Variants in TCF7L2 observed in about 807,000 individuals in gnomAD.
TCF7L2 encodes transcription factor 7 like 2.
In TCF7L2, 23 loss-of-function variants were observed where a neutral mutation model predicts 77.9. The observed-to-expected ratio is 0.30, with a 90% CI of 0.21 to 0.42. The LOEUF is 0.42. Ranked by LOEUF, TCF7L2 falls within the 10% of genes least tolerant of loss-of-function variation. The probability of loss-of-function intolerance (pLI) is 1.00; values close to 1 mark genes in which losing one functional copy is unlikely to be tolerated. For missense variants in TCF7L2, 654 were observed against 793.1 expected (o/e 0.82, Z 2.11); for synonymous variants, 413 against 340.2 (o/e 1.21, Z -2.36).
At chr10:112,974,291 G>A (rs1033589877) in intron 4 of TCF7L2, among the ~76,000 whole-genome samples, 2 of 152,156 alleles carry the variant, frequency 1.3e-5, no homozygotes, top group African/African-American at 4.8e-5. Context: ...AAGAGGGCTG[G>A]TGAGGATACC....
At chr10:113,110,137 C>T (rs1170142934) in intron 5 of TCF7L2, among the ~76,000 whole-genome samples, 2 of 152,160 alleles carry the variant, frequency 1.3e-5, no homozygotes, top group Non-Finnish European at 2.9e-5. Flanking sequence ...TTGGGAAGCT[C>T]TTCTGTTAGA....
chr10:113,160,502 T>C, intron 12 of TCF7L2: 1 of 803,012 alleles, frequency 1.2e-6, no homozygotes, highest in Non-Finnish European at 1.8e-6. Context: ...TGAGGGAAGA[T>C]TATCAAATAG....
At position 113,156,641 on chromosome 10, in the gene TCF7L2, C is replaced by G. The variant is rs577919401; in HGVS notation, c.1270-1380C>G. Reference sequence around the variant, plus strand: ...GCAGTCGCCTCTCCTGAATTCCCCCCAGTCCCATTCCACATTTGCAACCTC... The same window carrying G: ...GCAGTCGCCTCTCCTGAATTCCCCCGAGTCCCATTCCACATTTGCAACCTC... On this transcript the variant is annotated intron_variant, in intron 11 of 13. Coordinates refer to ENST00000627217, the MANE Select transcript of TCF7L2 (RefSeq NM_001146274.2). Among the ~76,000 whole-genome samples the G allele has an allele frequency of 7.2e-5, 11 of 152,346 alleles. No individual in the cohort carries two copies. The East Asian group carries it at 1.7e-3, about 24-fold the overall frequency.
intron 5 of TCF7L2, among the ~76,000 whole-genome samples, chr10:113,102,876 T>A (rs535189546): frequency 6.6e-6 from 1 of 152,348 alleles, no homozygotes; most frequent in South Asian, 2.1e-4. Context: ...TCATAAGTAT[T>A]ATTGTTTCAC....
At chr10:113,117,679 G>T (rs1180969573) in intron 5 of TCF7L2, among the ~76,000 whole-genome samples, 2 of 152,148 alleles carry the variant, frequency 1.3e-5, no homozygotes, top group Non-Finnish European at 2.9e-5. Flanking sequence ...GGGAAACGGC[G>T]GTCTGACAGC....
At position 112,964,546 on chromosome 10, in the gene TCF7L2, CT is replaced by C. The variant is rs2036052662; in HGVS notation, c.382-7del. On this transcript the variant is annotated splice_polypyrimidine_tract_variant and intron_variant, in intron 3 of 13. Coordinates refer to ENST00000627217, the MANE Select transcript of TCF7L2 (RefSeq NM_001146274.2). The stretch of plus-strand genomic sequence containing the variant: ...TAAGCAGAACGCTTTGATTTGGTTT[CT>C]TTCTACAGCTCCATTTTCAGTCCGG... 6.2e-7 allele frequency: 1 copy of C among 1,612,806 alleles called. No individual in the cohort carries two copies. The highest frequency in any genetic ancestry group is 8.5e-7 in the Non-Finnish European group (1 of 1,179,160).
chr10:113,089,232 G>A (rs2060127401), intron 5 of TCF7L2, among the ~76,000 whole-genome samples: 1 of 152,184 alleles, frequency 6.6e-6, no homozygotes, highest in Non-Finnish European at 1.5e-5. Context: ...GGATGGCAGG[G>A]AAATAGGAGA....
At chr10:113,001,151 G>A (rs1030137066) in intron 4 of TCF7L2, among the ~76,000 whole-genome samples, 3 of 152,216 alleles carry the variant, frequency 2.0e-5, no homozygotes, top group African/African-American at 7.2e-5. Flanking sequence ...GGGCAGGAGA[G>A]TGACAGGCGG....
At chr10:113,032,263 C>T (rs2050367067) in intron 4 of TCF7L2, among the ~76,000 whole-genome samples, 1 of 152,174 alleles carries the variant, frequency 6.6e-6, no homozygotes. Context: ...ACCATAGCCT[C>T]CCTGCAGAAC....
chr10:112,980,201 C>G (rs996807353), intron 4 of TCF7L2, among the ~76,000 whole-genome samples: 3 of 152,184 alleles, frequency 2.0e-5, no homozygotes, highest in Admixed American at 6.5e-5. Context: ...AGAACAGACC[C>G]TTAAGGAAAA....
At chr10:112,998,817 T>A (rs1342659852) in intron 4 of TCF7L2, among the ~76,000 whole-genome samples, 1 of 152,232 alleles carries the variant, frequency 6.6e-6, no homozygotes, top group Non-Finnish European at 1.5e-5. Context: ...CAATACATAG[T>A]GAAAGTTCTA....
intron 5 of TCF7L2, among the ~76,000 whole-genome samples, chr10:113,042,249 C>T (rs150630906): frequency 6.6e-6 from 1 of 152,204 alleles, no homozygotes; most frequent in Non-Finnish European, 1.5e-5. Context: ...GCACCTTTTT[C>T]CTCTGCTGTG....
intron 12 of TCF7L2, 108 bp downstream of exon 12, chr10:113,158,177 G>A: frequency 1.7e-6 from 2 of 1,193,282 alleles, no homozygotes; most frequent in East Asian, 2.6e-5. Flanking sequence ...CCAGGACATT[G>A]TGGGGGAACC....
At chr10:112,992,187 T>C (rs2042673356) in intron 4 of TCF7L2, among the ~76,000 whole-genome samples, 1 of 151,788 alleles carries the variant, frequency 6.6e-6, no homozygotes, top group Admixed American at 6.6e-5. Context: ...GAGGCGTGAG[T>C]GGTCTAGGGC....
At chr10:113,083,259 GACACACACACACAC>G (rs10649541) in intron 5 of TCF7L2, among the ~76,000 whole-genome samples, 16 of 143,466 alleles carry the variant, frequency 1.1e-4, no homozygotes, top group East Asian at 6.4e-4. Flanking sequence ...TATACTGATA[GACACACACACACAC>G]ACACACACAC....
At chr10:113,031,466 G>A (rs1564805560) in intron 4 of TCF7L2, among the ~76,000 whole-genome samples, 1 of 150,468 alleles carries the variant, frequency 6.6e-6, no homozygotes, top group African/African-American at 2.5e-5. Context: ...AGCAAGGTTT[G>A]GATACTGTGC....
At chr10:113,067,445 A>G (rs1467953621) in intron 5 of TCF7L2, among the ~76,000 whole-genome samples, 1 of 152,170 alleles carries the variant, frequency 6.6e-6, no homozygotes, top group Non-Finnish European at 1.5e-5. Context: ...AAGTGATTTT[A>G]TTATCCAGAA....
chr10:112,981,308 C>CA (rs11362147), intron 4 of TCF7L2, among the ~76,000 whole-genome samples: 4,697 of 142,430 alleles, frequency 0.033, 231 homozygotes, highest in African/African-American at 0.11. Flanking sequence ...GACCCGTCCT[C>CA]AAAAAAAAAA....
chr10:112,951,206 G>A lies in TCF7L2; in HGVS notation c.190-1G>A. 1 of 1,585,034 alleles carries A rather than the reference G, an allele frequency of 6.3e-7. No homozygotes were observed. The highest frequency in any genetic ancestry group is 8.6e-7 in the Non-Finnish European group (1 of 1,168,610). The stretch of plus-strand genomic sequence containing the variant: ...CTCCCCACCTCCACCCCTCTGGGAA[G>A]GCGGAAAGACGGCCTCCGCCTCGCT... On this transcript the variant is annotated splice_acceptor_variant, in intron 1 of 13. Transcript: ENST00000627217. LOFTEE classifies it high-confidence loss of function.
Sources: allele counts gnomAD v4.1 joint callset (sites outside exome capture counted in the v4.1 genomes callset), GRCh38; gene constraint gnomAD v4.1.1; transcripts MANE v1.5; gene names NCBI Gene and HGNC (gene_info 2026-07-23, HGNC 2026-07-21).